Variants in DPP6 observed in about 807,000 individuals in gnomAD.
The protein encoded by DPP6 is A-type potassium channel modulatory protein DPP6.
DPP6 carries 69 observed loss-of-function variants against 122.6 expected under a neutral mutation model. That is an observed-to-expected ratio of 0.56 (90% confidence interval 0.46 to 0.69). The LOEUF (loss-of-function observed/expected upper bound fraction) is 0.69, where lower values mean the gene tolerates loss of function less well. Among genes scored for constraint, DPP6 ranks in the 30% least tolerant of loss-of-function variants. The probability of loss-of-function intolerance (pLI) is 0.00; values close to 1 mark genes in which losing one functional copy is unlikely to be tolerated. For synonymous variants in DPP6, 418 were observed against 433.1 expected (o/e 0.97, Z 0.43); for missense variants, 928 against 1,116.9 (o/e 0.83, Z 2.41).
intron 1 of DPP6, chr7:154,058,987 A>AAT (rs1801243749): frequency 7.0e-6 from 1 of 142,958 alleles, no homozygotes; most frequent in Non-Finnish European, 1.5e-5. Context: ...ACTGAGAGCC[A>AAT]GCCTCTGTTC....
intron 5 of DPP6, among the ~76,000 whole-genome samples, chr7:154,633,475 A>T (rs1262697492): frequency 1.3e-5 from 2 of 152,174 alleles, no homozygotes; most frequent in Non-Finnish European, 2.9e-5. Context: ...ACCTCAGGTG[A>T]TCCACCCGCC....
chr7:154,235,007 GT>G (rs374425832), intron 1 of DPP6, among the ~76,000 whole-genome samples: 170 of 152,248 alleles, frequency 1.1e-3, no homozygotes, highest in African/African-American at 4.0e-3. Context: ...GTTCTGTTTT[GT>G]TTTGGTGACA....
chr7:154,873,797 T>G (rs531323311), intron 19 of DPP6, among the ~76,000 whole-genome samples: 1 of 144,314 alleles, frequency 6.9e-6, no homozygotes, highest in African/African-American at 2.6e-5. Context: ...TGTGCACACA[T>G]GCATCCACAC....
chr7:154,005,431 C>T, intron 1 of DPP6, among the ~76,000 whole-genome samples: 1 of 151,630 alleles, frequency 6.6e-6, no homozygotes, highest in Non-Finnish European at 1.5e-5. Flanking sequence ...TGTGGTCAGA[C>T]CCCGGGATTT....
At chr7:153,767,221 T>C in the DPP6 span, among the ~76,000 whole-genome samples, 1 of 152,208 alleles carries the variant, frequency 6.6e-6, no homozygotes, top group African/African-American at 2.4e-5. Context: ...CAGAAAAATG[T>C]CCACTTTCCT....
chr7:154,560,022 A>G (rs2878957), intron 4 of DPP6, among the ~76,000 whole-genome samples: 38,995 of 149,422 alleles, frequency 0.26, 5,476 homozygotes, highest in Admixed American at 0.36. Context: ...TTCAGAGAAA[A>G]TCAGACAGTA....
At chr7:154,674,544 C>A (rs923008494) in intron 7 of DPP6, among the ~76,000 whole-genome samples, 1 of 152,166 alleles carries the variant, frequency 6.6e-6, no homozygotes, top group Non-Finnish European at 1.5e-5. Flanking sequence ...CATTAGGCAA[C>A]ATTAAGAATT....
At position 154,894,086 on chromosome 7, in the gene DPP6, AAGGACCAACGTGCTGATAAAC is replaced by A. The variant is rs1806858394; in HGVS notation, c.*1613_*1633del. ...AAAGGTGATTCACCACCATTTGTGA[AAGGACCAACGTGCTGATAAAC>A]AGGACCGATCCGAGTGCTACATGAC... On this transcript the variant is annotated 3_prime_UTR_variant, in exon 26 of 26. Transcript: ENST00000377770. 2.0e-5 allele frequency: 3 copies of A among 152,326 alleles called. No homozygotes were observed. Among genetic ancestry groups the A allele is most frequent in the Admixed American group, 1.3e-4 (2 of 15,296 alleles). 9.4% of individuals were successfully genotyped at this position (152,326 alleles called of 1,614,324 possible).
Position 154,755,572 on chromosome 7 carries a change from G to A in DPP6, c.884-13845G>A, listed in dbSNP as rs1334591306. ...GGATTAAATGAGTTAACCCATCTAC[G>A]CAGTTAGAGCCGGCTTGGCGTGTGC... On this transcript the variant is annotated intron_variant, in intron 8 of 25. Transcript: ENST00000377770. The surrounding 1 kb of genome is among the most constrained non-coding windows in gnomAD (Gnocchi z 4.7). Among the ~76,000 whole-genome samples, 7 of 152,182 alleles carry A rather than the reference G, an allele frequency of 4.6e-5. No individual in the cohort carries two copies. The highest frequency in any genetic ancestry group is 1.3e-4 in the Admixed American group (2 of 15,284).
intron 1 of DPP6, among the ~76,000 whole-genome samples, chr7:154,256,297 A>G (rs1037485909): frequency 1.3e-5 from 2 of 152,156 alleles, no homozygotes; most frequent in Admixed American, 1.3e-4. Context: ...CAAAATATTG[A>G]TCCATTTAGT....
the DPP6 span, among the ~76,000 whole-genome samples, chr7:153,870,724 C>T: frequency 2.6e-5 from 4 of 152,196 alleles, no homozygotes; most frequent in Non-Finnish European, 5.9e-5. Context: ...AGGAGAGGCT[C>T]TCTGATTTTT....
intron 1 of DPP6, among the ~76,000 whole-genome samples, chr7:154,101,935 CAA>C (rs915468915): frequency 8.6e-4 from 35 of 40,832 alleles, no homozygotes; most frequent in Middle Eastern, 0.013. Context: ...TACTCCATCT[CAA>C]AAAAAAAAAA....
At chr7:153,854,505 C>A in the DPP6 span, among the ~76,000 whole-genome samples, 1 of 145,430 alleles carries the variant, frequency 6.9e-6, no homozygotes, top group African/African-American at 2.6e-5. Flanking sequence ...CATCACTGGC[C>A]ATCAGAGAAA....
At chr7:154,117,234 A>G (rs1187889549) in intron 1 of DPP6, among the ~76,000 whole-genome samples, 1 of 152,120 alleles carries the variant, frequency 6.6e-6, no homozygotes, top group African/African-American at 2.4e-5. Flanking sequence ...GATGGTTACA[A>G]ATTAGTAACT....
chr7:154,401,457 G>T (rs1452628525), intron 1 of DPP6, among the ~76,000 whole-genome samples: 1 of 152,166 alleles, frequency 6.6e-6, no homozygotes, highest in East Asian at 1.9e-4. Context: ...GCAGAGAAAA[G>T]ATGTAGAAAT....
At chr7:154,493,077 G>A (rs1306544640) in intron 3 of DPP6, among the ~76,000 whole-genome samples, 2 of 152,168 alleles carry the variant, frequency 1.3e-5, no homozygotes, top group Non-Finnish European at 2.9e-5. Context: ...AATGAAAGCA[G>A]CCTGGAAATG....
intron 1 of DPP6, among the ~76,000 whole-genome samples, chr7:154,211,958 G>C (rs1043802057): frequency 1.5e-5 from 2 of 137,736 alleles, no homozygotes; most frequent in African/African-American, 5.0e-5. Flanking sequence ...AACTCCTCCT[G>C]TGGGCTTGTC....
intron 7 of DPP6, among the ~76,000 whole-genome samples, chr7:154,687,931 CT>C (rs1442665224): frequency 6.6e-5 from 10 of 152,170 alleles, no homozygotes. Flanking sequence ...GAAAGTGTTC[CT>C]TTCCTTACTG....
At position 154,468,473 on chromosome 7, in the gene DPP6, T is replaced by C. The variant is rs1821981972; in HGVS notation, c.359-6466T>C. ...AGTTTTATGGTATGTGAATTTTATCTCTAATAAAGGTGTCAAGAAAGGAAT... is the reference window on the plus strand; with the variant it reads ...AGTTTTATGGTATGTGAATTTTATCCCTAATAAAGGTGTCAAGAAAGGAAT... On this transcript the variant is annotated intron_variant, in intron 2 of 25. Transcript: ENST00000377770. Among the ~76,000 whole-genome samples the C allele has an allele frequency of 1.3e-5, 2 of 152,178 alleles. 1 individual carries two copies. The highest frequency in any genetic ancestry group is 1.3e-4 in the Admixed American group (2 of 15,284).
Sources: gnomAD v4.1 joint callset for allele counts (sites outside exome capture counted in the v4.1 genomes callset) on GRCh38, gnomAD v4.1.1 for gene constraint, Gnocchi (gnomAD v3.1) non-coding constraint, MANE v1.5 for transcripts, NCBI Gene and HGNC (gene_info 2026-07-23, HGNC 2026-07-21) for gene names.